Variants in BIN3 observed in about 807,000 individuals in gnomAD.
BIN3 encodes bridging integrator 3.
A neutral mutation model predicts 38.2 loss-of-function variants in BIN3; 41 were observed. That is an observed-to-expected ratio of 1.07 (90% CI 0.84 to 1.39). The LOEUF (loss-of-function observed/expected upper bound fraction) is 1.39. BIN3 is among the 40% of genes most tolerant of loss of function. The probability of loss-of-function intolerance (pLI) is 0.00; values close to 1 mark genes in which losing one functional copy is unlikely to be tolerated. For missense variants in BIN3, 361 were observed against 324.3 expected (o/e 1.11, Z -0.87); for synonymous variants, 145 against 122.6 (o/e 1.18, Z -1.21).
At chr8:22,627,355 A>C (rs1317231296) in intron 6 of BIN3, among the ~76,000 whole-genome samples, 3 of 150,194 alleles carry the variant, frequency 2.0e-5, no homozygotes, top group Non-Finnish European at 4.4e-5. Flanking sequence ...TCACTCACTG[A>C]CCCTTTGAGG....
intron 6 of BIN3, chr8:22,625,137 G>A (rs567918050): frequency 1.7e-6 from 1 of 574,090 alleles, no homozygotes; most frequent in African/African-American, 1.9e-5. Context: ...AGACTCAGAG[G>A]AGTGGCCCTC....
chr8:22,659,448 A>T (rs1164981199), intron 1 of BIN3, among the ~76,000 whole-genome samples: 9 of 152,208 alleles, frequency 5.9e-5, no homozygotes, highest in African/African-American at 2.2e-4. Flanking sequence ...CTCAGCTGTG[A>T]TCCCTCCTTC....
chr8:22,648,111 C>T (rs565771481), intron 1 of BIN3, among the ~76,000 whole-genome samples: 9 of 138,614 alleles, frequency 6.5e-5, no homozygotes, highest in Admixed American at 3.2e-4. Flanking sequence ...CTCCAGCCTG[C>T]GCGACAGAGT....
chr8:22,656,718 G>A (rs552177430), intron 1 of BIN3, among the ~76,000 whole-genome samples: 1 of 152,160 alleles, frequency 6.6e-6, no homozygotes, highest in South Asian at 2.1e-4. Context: ...ATATCTTTCT[G>A]TTCCTAGTTC....
At position 22,624,029 on chromosome 8, in the gene BIN3, A is replaced by G. The variant is rs750196704; in HGVS notation, c.501T>C (p.Pro167=). 1.9e-5 allele frequency: 31 copies of G among 1,610,498 alleles called. No homozygotes were observed. The East Asian group carries it at 6.9e-4, about 36-fold the overall frequency. The change falls in exon 8 of 9, where the codon CCT becomes CCC. Residue 167 remains proline (P), a synonymous_variant. Transcript: ENST00000276416. ...KLHQAREELR[P]VREDFEAKNR... is the part of the protein sequence containing the mutation. Reference sequence around the variant, plus strand: ...TCTTGGCTTCAAAGTCCTCCCGCACAGGCCGCAGCTCCTCTCGTGCCTAGG... The same window carrying G: ...TCTTGGCTTCAAAGTCCTCCCGCACGGGCCGCAGCTCCTCTCGTGCCTAGG...
chr8:22,636,551 A>C lies in BIN3; in HGVS notation c.134T>G (p.Met45Arg). ...CAGGTCTGCGTCGGTGCTCTTCTTC[A>C]TGTCTTTCTGCAGCCTCCGGGTCTG... ...EEQTRRLQKD[M>R]KKSTDADLAM... The change falls in exon 4 of 9, where the codon ATG (methionine) becomes AGG (arginine). Residue 45 changes from methionine to arginine, a missense_variant. Coordinates refer to ENST00000276416, the MANE Select transcript of BIN3 (RefSeq NM_018688.6). The C allele has an allele frequency of 6.4e-7, 1 of 1,552,884 alleles. No homozygotes were observed.
chr8:22,668,940 G>A, intron 1 of BIN3, 104 bp downstream of exon 1: 1 of 1,455,846 alleles, frequency 6.9e-7, no homozygotes, highest in Non-Finnish European at 9.4e-7. Context: ...TGGGGCGGAG[G>A]GGTCGCGCGG....
chr8:22,639,486 C>T (rs904158336), intron 2 of BIN3, among the ~76,000 whole-genome samples: 11 of 152,162 alleles, frequency 7.2e-5, no homozygotes, highest in African/African-American at 2.7e-4. Context: ...CTTGCATTGG[C>T]CTCCCAAAGT....
Position 22,621,441 on chromosome 8 carries a change from G to T in BIN3, c.743C>A (p.Ser248Tyr). ...GGGGATTCAGTCATCGGCCACAATG[G>T]AGAGGGCCCGGAGCTCACTGAGTTT... ...EAKLSELRALSIVADD is the reference protein window; with the variant it reads ...EAKLSELRALYIVADD The change falls in exon 9 of 9, where the codon TCC becomes TAC. Residue 248 changes from serine (S) to tyrosine (Y), a missense_variant. Coordinates refer to ENST00000276416, the MANE Select transcript of BIN3 (RefSeq NM_018688.6). The T allele has an allele frequency of 6.2e-7, 1 of 1,613,582 alleles. No individual in the cohort carries two copies. The highest frequency in any genetic ancestry group is 1.1e-5 in the South Asian group (1 of 91,046).
intron 6 of BIN3, among the ~76,000 whole-genome samples, chr8:22,628,334 T>G (rs1465773075): frequency 6.6e-6 from 1 of 152,176 alleles, no homozygotes; most frequent in Non-Finnish European, 1.5e-5. Flanking sequence ...GTTTCCTGTT[T>G]CCGGTGCTGG....
At chr8:22,651,869 G>T (rs898204526) in intron 1 of BIN3, among the ~76,000 whole-genome samples, 1 of 151,866 alleles carries the variant, frequency 6.6e-6, no homozygotes, top group Non-Finnish European at 1.5e-5. Context: ...TAAAAATTTT[G>T]TTGTTGATTT....
intron 1 of BIN3, among the ~76,000 whole-genome samples, chr8:22,645,677 CAG>C (rs1002523829): frequency 5.3e-5 from 8 of 149,650 alleles, no homozygotes; most frequent in Middle Eastern, 3.3e-3. Flanking sequence ...GGTGCAAACT[CAG>C]AAATTACAGA....
In BIN3 at chr8:22,655,760, G is replaced by A. The variant is rs77516640; in HGVS notation, c.9-10957C>T. ...TATTGTGTGTCCCTTGCATTTCCAC[G>A]TGAATTTTAGTGGTTTATTTTTTAT... On this transcript the variant is annotated intron_variant, in intron 1 of 8. Coordinates refer to ENST00000276416, the MANE Select transcript of BIN3 (RefSeq NM_018688.6). Among the ~76,000 whole-genome samples the A allele has an allele frequency of 3.8e-3, 576 of 152,198 alleles. 2 individuals carry two copies. Among genetic ancestry groups the A allele is most frequent in the African/African-American group, 0.013 (559 of 41,538 alleles).
At chr8:22,663,440 TAAAAAAAAAAAAAAAA>T (rs35060338) in intron 1 of BIN3, among the ~76,000 whole-genome samples, 1 of 128,690 alleles carries the variant, frequency 7.8e-6, no homozygotes, top group East Asian at 2.1e-4. Flanking sequence ...CCGATTTGTT[TAAAAAAAAAAAAAAAA>T]AAAAAAGGAA....
intron 1 of BIN3, among the ~76,000 whole-genome samples, chr8:22,652,365 G>T (rs1297453609): frequency 6.6e-6 from 1 of 152,194 alleles, no homozygotes; most frequent in Non-Finnish European, 1.5e-5. Flanking sequence ...GTTTTGTGGG[G>T]AACTCCCTGA....
intron 1 of BIN3, among the ~76,000 whole-genome samples, chr8:22,646,704 A>G (rs1802723894): frequency 2.6e-5 from 4 of 152,246 alleles, no homozygotes; most frequent in Admixed American, 2.6e-4. Context: ...CTGGAAATGA[A>G]AAGGAAAGAA....
Position 22,650,148 on chromosome 8 carries a change from A to G in BIN3, c.9-5345T>C, listed in dbSNP as rs138740664. Among the ~76,000 whole-genome samples the G allele has an allele frequency of 6.1e-3, 934 of 152,322 alleles. 13 individuals are homozygous for G. The highest frequency in any genetic ancestry group is 0.021 in the African/African-American group (873 of 41,564). On this transcript the variant is annotated intron_variant, in intron 1 of 8. Transcript: ENST00000276416. The stretch of plus-strand genomic sequence containing the variant: ...TCAAATTTTTCTTCTATTATGAACA[A>G]AAACTCCAATAGGTAAATCTTGGTG...
intron 6 of BIN3, among the ~76,000 whole-genome samples, chr8:22,628,156 G>T (rs531491401): frequency 6.6e-5 from 10 of 152,224 alleles, no homozygotes; most frequent in Admixed American, 5.9e-4. Flanking sequence ...CTGTGCCCAC[G>T]CAGCCGGGAG....
intron 2 of BIN3, among the ~76,000 whole-genome samples, chr8:22,642,185 G>A (rs964571021): frequency 6.6e-6 from 1 of 152,180 alleles, no homozygotes; most frequent in African/African-American, 2.4e-5. Flanking sequence ...CCATGACAGG[G>A]GCTCCATGAC....
Sources: gnomAD v4.1 joint callset for allele counts (sites outside exome capture counted in the v4.1 genomes callset) on GRCh38, gnomAD v4.1.1 for gene constraint, MANE v1.5 for transcripts, NCBI Gene and HGNC (gene_info 2026-07-23, HGNC 2026-07-21) for gene names.